The following NCALD variants were observed in gnomAD, a reference collection of about 807,000 sequenced individuals.
NCALD encodes neurocalcin delta.
NCALD carries 10 observed loss-of-function variants against 18.6 expected under a neutral mutation model. That is an observed-to-expected ratio of 0.54 (90% CI 0.33 to 0.91). The LOEUF (loss-of-function observed/expected upper bound fraction) is 0.91. Ranked by LOEUF, NCALD falls within the 40% of genes least tolerant of loss-of-function variation. NCALD has a pLI of 0.03. For synonymous variants in NCALD, 88 were observed against 87.4 expected (o/e 1.01, Z -0.04); for missense variants, 184 against 247.6 (o/e 0.74, Z 1.72).
At chr8:102,010,901 T>C (rs1042680573) in intron 2 of NCALD, among the ~76,000 whole-genome samples, 2 of 152,212 alleles carry the variant, frequency 1.3e-5, no homozygotes, top group African/African-American at 4.8e-5. Context: ...AACTCAATCA[T>C]TTCTATATAT....
chr8:102,102,390 A>G (rs776473143), intron 1 of NCALD, among the ~76,000 whole-genome samples: 5 of 152,314 alleles, frequency 3.3e-5, no homozygotes, highest in Admixed American at 1.3e-4. Context: ...CACAGGGAGG[A>G]AACATTTTGT....
intron 1 of NCALD, among the ~76,000 whole-genome samples, chr8:101,790,615 T>C (rs1193878275): frequency 1.3e-5 from 2 of 152,204 alleles, no homozygotes; most frequent in Non-Finnish European, 2.9e-5. Context: ...GTCTAAATAA[T>C]GTTATGTTAG....
At chr8:101,968,552 T>C (rs946248891) in intron 2 of NCALD, among the ~76,000 whole-genome samples, 1 of 152,162 alleles carries the variant, frequency 6.6e-6, no homozygotes, top group Non-Finnish European at 1.5e-5. Flanking sequence ...TGAGTCTTTT[T>C]ATCCCTAAGA....
At chr8:101,909,369 C>T (rs1817713223) in intron 3 of NCALD, among the ~76,000 whole-genome samples, 1 of 152,160 alleles carries the variant, frequency 6.6e-6, no homozygotes, top group South Asian at 2.1e-4. Flanking sequence ...AGATATTGGA[C>T]AACACTCAGT....
chr8:101,884,863 A>T (rs1816620795), intron 4 of NCALD, among the ~76,000 whole-genome samples: 1 of 152,118 alleles, frequency 6.6e-6, no homozygotes, highest in Non-Finnish European at 1.5e-5. Flanking sequence ...TATCCTCTGA[A>T]TATTTGGTGT....
chr8:102,037,906 TA>T (rs1287323679), intron 1 of NCALD, among the ~76,000 whole-genome samples: 1 of 152,164 alleles, frequency 6.6e-6, no homozygotes, highest in Non-Finnish European at 1.5e-5. Context: ...ACTTTATAAA[TA>T]AAAGCATTTT....
At chr8:102,076,134 T>C (rs998023810) in intron 1 of NCALD, among the ~76,000 whole-genome samples, 6 of 152,016 alleles carry the variant, frequency 3.9e-5, no homozygotes, top group East Asian at 1.9e-4. Flanking sequence ...ATATAAATAG[T>C]ATAAAGACCA....
At chr8:101,717,898 A>C (rs1816161694) in intron 2 of NCALD, among the ~76,000 whole-genome samples, 1 of 152,236 alleles carries the variant, frequency 6.6e-6, no homozygotes, top group Admixed American at 6.5e-5. Flanking sequence ...ATGAATTGTC[A>C]GTTTGCAAAG....
intron 1 of NCALD, among the ~76,000 whole-genome samples, chr8:101,745,126 T>C (rs78780902): frequency 0.023 from 3,482 of 151,854 alleles, 115 homozygotes; most frequent in African/African-American, 0.077. Context: ...TCAAAAAACG[T>C]AGTAATTGCA....
At chr8:101,930,733 C>T (rs1390078884) in intron 2 of NCALD, among the ~76,000 whole-genome samples, 4 of 152,116 alleles carry the variant, frequency 2.6e-5, no homozygotes, top group Non-Finnish European at 5.9e-5. Flanking sequence ...TGTATGGGGT[C>T]TTGGCTCTAA....
At chr8:101,693,318 GTTTTTTTTTTTTT>G (rs71276999) in intron 2 of NCALD, 24 of 60,010 alleles carry the variant, frequency 4.0e-4, no homozygotes, top group African/African-American at 1.1e-3. Flanking sequence ...CACACAGGGC[GTTTTTTTTTTTTT>G]TTTTTTTTTT....
At chr8:101,734,802 A>C (rs1458220480) in intron 1 of NCALD, among the ~76,000 whole-genome samples, 1 of 152,184 alleles carries the variant, frequency 6.6e-6, no homozygotes, top group African/African-American at 2.4e-5. Flanking sequence ...ACAACAACCC[A>C]CAGTGTTTTC....
At chr8:101,957,289 GTTTTTTTTTTT>G (rs11305701) in intron 2 of NCALD, among the ~76,000 whole-genome samples, 2 of 99,508 alleles carry the variant, frequency 2.0e-5, no homozygotes, top group Non-Finnish European at 3.8e-5. Context: ...AAAAGTTGGG[GTTTTTTTTTTT>G]TTTTTTTTTT....
intron 1 of NCALD, among the ~76,000 whole-genome samples, chr8:102,122,797 C>T (rs1313117657): frequency 7.9e-5 from 12 of 152,222 alleles, no homozygotes; most frequent in Admixed American, 7.8e-4. Context: ...GCTGCAGAGC[C>T]CACACTCCTA....
chr8:101,864,725 G>A (rs566060610), intron 4 of NCALD, among the ~76,000 whole-genome samples: 20 of 151,908 alleles, frequency 1.3e-4, no homozygotes, highest in African/African-American at 4.8e-4. Flanking sequence ...CTCCTGAGTA[G>A]CTGGAATTAC....
At chr8:101,765,722 A>G (rs1437749745) in intron 1 of NCALD, among the ~76,000 whole-genome samples, 1 of 152,226 alleles carries the variant, frequency 6.6e-6, no homozygotes, top group East Asian at 1.9e-4. Context: ...GAGCAGGTCA[A>G]GAGCATAAGG....
intron 4 of NCALD, among the ~76,000 whole-genome samples, chr8:101,815,970 G>A (rs1039056597): frequency 1.3e-5 from 2 of 152,024 alleles, no homozygotes; most frequent in African/African-American, 4.8e-5. Flanking sequence ...AAAAAAGAAT[G>A]AGCTACAAAA....
At chr8:101,894,532 T>C (rs1228845967) in intron 3 of NCALD, among the ~76,000 whole-genome samples, 1 of 141,986 alleles carries the variant, frequency 7.0e-6, no homozygotes, top group African/African-American at 2.9e-5. Context: ...CTGAAGGAAA[T>C]AGAGACACAA....
chr8:101,954,122 C>T (rs1819534376), intron 2 of NCALD, among the ~76,000 whole-genome samples: 1 of 152,186 alleles, frequency 6.6e-6, no homozygotes, highest in Admixed American at 6.5e-5. Context: ...ATTTGAAGTG[C>T]ACTCCAGGGT....
Sources: allele counts gnomAD v4.1 joint callset (sites outside exome capture counted in the v4.1 genomes callset), GRCh38; gene constraint gnomAD v4.1.1; transcripts MANE v1.5; gene names NCBI Gene and HGNC (gene_info 2026-07-23, HGNC 2026-07-21).